Variants in CMTM4 observed in about 807,000 individuals in gnomAD.
CMTM4 encodes CKLF like MARVEL transmembrane domain containing 4.
In CMTM4, 8 loss-of-function variants were observed where a neutral mutation model predicts 19.0. The observed-to-expected ratio is 0.42, with a 90% CI of 0.25 to 0.76. The LOEUF is 0.76. CMTM4 is among the 30% of genes least tolerant of loss of function. The probability of loss-of-function intolerance (pLI) is 0.27; values close to 1 mark genes in which losing one functional copy is unlikely to be tolerated. For synonymous variants in CMTM4, 106 were observed against 121.1 expected, an observed-to-expected ratio of 0.88 and a Z score of 0.82; for missense variants, 228 against 290.2, an observed-to-expected ratio of 0.79 and a Z score of 1.56.
chr16:66,658,541 C>T (rs1159156019), intron 1 of CMTM4, among the ~76,000 whole-genome samples: 1 of 152,144 alleles, frequency 6.6e-6, no homozygotes, highest in Non-Finnish European at 1.5e-5. Context: ...ATGCCAGTGG[C>T]TCATATACTT....
intron 1 of CMTM4, among the ~76,000 whole-genome samples, chr16:66,658,142 A>T (rs551908588): frequency 2.6e-5 from 4 of 151,868 alleles, no homozygotes; most frequent in East Asian, 1.9e-4. Flanking sequence ...AGGTGGGAGG[A>T]TCACTTGAGC....
At chr16:66,613,343 G>C (rs936537472), downstream of CMTM4, 1 of 542,754 alleles carries the variant, frequency 1.8e-6, no homozygotes, top group Middle Eastern at 4.9e-4. Flanking sequence ...AGAAGACAGA[G>C]GGTACAACAG....
chr16:66,666,606 G>T (rs1004189771), intron 1 of CMTM4, among the ~76,000 whole-genome samples: 1 of 152,130 alleles, frequency 6.6e-6, no homozygotes, highest in African/African-American at 2.4e-5. Flanking sequence ...AAAATTACTT[G>T]AACAGGTTCT....
intron 1 of CMTM4, among the ~76,000 whole-genome samples, chr16:66,639,541 G>C (rs1438026818): frequency 6.6e-6 from 1 of 152,122 alleles, no homozygotes; most frequent in African/African-American, 2.4e-5. Flanking sequence ...AGCAGGGAAG[G>C]TGAACAAAGC....
the CMTM4 span, among the ~76,000 whole-genome samples, chr16:66,599,831 G>A: frequency 1.3e-5 from 2 of 152,108 alleles, no homozygotes; most frequent in Non-Finnish European, 2.9e-5. Flanking sequence ...GCCAGAAAGA[G>A]CCGAACCAGG....
chr16:66,606,968 T>G, the CMTM4 span, among the ~76,000 whole-genome samples: 3 of 152,186 alleles, frequency 2.0e-5, no homozygotes, highest in Admixed American at 2.0e-4. Flanking sequence ...CACTCCAGCC[T>G]GGGAGACGGA....
At chr16:66,646,251 C>A (rs1462597670) in intron 1 of CMTM4, among the ~76,000 whole-genome samples, 2 of 152,126 alleles carry the variant, frequency 1.3e-5, no homozygotes, top group Non-Finnish European at 2.9e-5. Flanking sequence ...AAAATCAATA[C>A]CTCTCTATGG....
At chr16:66,651,951 T>C (rs1460214396) in intron 1 of CMTM4, among the ~76,000 whole-genome samples, 3 of 152,230 alleles carry the variant, frequency 2.0e-5, no homozygotes, top group African/African-American at 7.2e-5. Flanking sequence ...GGTGTTTGCA[T>C]GTGATCTTTG....
intron 1 of CMTM4, among the ~76,000 whole-genome samples, chr16:66,691,348 C>T (rs1220502173): frequency 6.6e-6 from 1 of 151,948 alleles, no homozygotes; most frequent in African/African-American, 2.4e-5. Flanking sequence ...TAATTTAAAT[C>T]AGTTGTTTAA....
the CMTM4 span, chr16:66,604,855 G>A: frequency 7.3e-7 from 1 of 1,376,662 alleles, no homozygotes. Context: ...CCTGCCGGCG[G>A]CTCCCGTCCC....
chr16:66,605,972 G>C, the CMTM4 span, among the ~76,000 whole-genome samples: 2 of 151,896 alleles, frequency 1.3e-5, no homozygotes, highest in Non-Finnish European at 2.9e-5. The surrounding 1 kb of genome is among the most constrained non-coding windows in gnomAD (Gnocchi z 4.6). Context: ...AGACCACTGG[G>C]AGCCACTTGA....
chr16:66,611,468 T>C (rs1321867296), downstream of CMTM4, among the ~76,000 whole-genome samples: 1 of 151,296 alleles, frequency 6.6e-6, no homozygotes, highest in Non-Finnish European at 1.5e-5. Context: ...AAATTGAATA[T>C]AGCAAAACCC....
intron 1 of CMTM4, among the ~76,000 whole-genome samples, chr16:66,642,721 C>T (rs2016118029): frequency 6.6e-6 from 1 of 152,052 alleles, no homozygotes; most frequent in Admixed American, 6.6e-5. Context: ...ATCACCAAAA[C>T]AAACAAACGA....
chr16:66,621,215 G>A lies in CMTM4; in HGVS notation c.*843C>T. On this transcript the variant is annotated 3_prime_UTR_variant, in exon 4 of 4. Coordinates refer to ENST00000394106, the MANE Select transcript of CMTM4 (RefSeq NM_181521.3). ...TTAACACAAACACCTCCCACCTGCG[G>A]TTCATGAAGCCAGCAAATGGGCAAG... 1 of 985,618 alleles carries A rather than the reference G, an allele frequency of 1.0e-6. No homozygotes were observed. The allele number at this position is 985,618 out of a possible 1,614,324, so 61.1% of individuals were successfully genotyped here. A position where few individuals can be genotyped will look rare whatever the true frequency, so the allele number is the denominator to read the frequency against.
chr16:66,631,336 G>GC (rs1488163782), intron 2 of CMTM4, among the ~76,000 whole-genome samples: 1 of 147,818 alleles, frequency 6.8e-6, no homozygotes, highest in Non-Finnish European at 1.5e-5. Context: ...CCGGCCAGCC[G>GC]CCCCGTCCGG....
At chr16:66,657,229 C>T (rs1385510810) in intron 1 of CMTM4, among the ~76,000 whole-genome samples, 1 of 151,972 alleles carries the variant, frequency 6.6e-6, no homozygotes, top group Non-Finnish European at 1.5e-5. Flanking sequence ...GGGCTATAGG[C>T]ACCCGCTACC....
At chr16:66,610,127 C>A (rs577939260), downstream of CMTM4, 13 of 1,271,998 alleles carry the variant, frequency 1.0e-5, no homozygotes, top group South Asian at 1.8e-4. This position sits in a 1 kb window ranked among gnomAD's most constrained non-coding sequence, Gnocchi z 4.6. Flanking sequence ...GAAGTGTTTT[C>A]ACAGCCCATT....
In CMTM4 at chr16:66,619,679, C is replaced by T; in HGVS notation, c.*2379G>A. 2.0e-6 allele frequency: 2 copies of T among 985,412 alleles called. No individual in the cohort carries two copies. The highest frequency in any genetic ancestry group is 2.4e-6 in the Non-Finnish European group (2 of 829,940). The allele number at this position is 985,412 out of a possible 1,614,324, so 61.0% of individuals were successfully genotyped here. A position where few individuals can be genotyped will look rare whatever the true frequency, so the allele number is the denominator to read the frequency against. On this transcript the variant is annotated 3_prime_UTR_variant, in exon 4 of 4. Coordinates refer to ENST00000394106, the MANE Select transcript of CMTM4 (RefSeq NM_181521.3). ...AACTTTCGTCACCACGTGGTCTATA[C>T]ATGATGACATGTGCAACCACACATT...
chr16:66,679,823 CAAA>C (rs748044272), intron 1 of CMTM4, among the ~76,000 whole-genome samples: 7 of 64,022 alleles, frequency 1.1e-4, no homozygotes, highest in Non-Finnish European at 6.3e-5. Context: ...GACTCTATGT[CAAA>C]AAAAAAAAAA....
Sources: gnomAD v4.1 joint callset for allele counts (sites outside exome capture counted in the v4.1 genomes callset) on GRCh38, gnomAD v4.1.1 for gene constraint, Gnocchi (gnomAD v3.1) non-coding constraint, MANE v1.5 for transcripts, NCBI Gene and HGNC (gene_info 2026-07-23, HGNC 2026-07-21) for gene names.